WDFY1: variants seen among roughly 807,000 people sequenced by gnomAD.
The protein encoded by WDFY1 is WD repeat and FYVE domain-containing protein 1.
Under a neutral mutation model 56.4 loss-of-function variants are expected in WDFY1, and 32 were observed. The observed-to-expected ratio is 0.57, with a 90% CI of 0.43 to 0.76. The LOEUF (loss-of-function observed/expected upper bound fraction) is 0.76. WDFY1 is among the 30% of genes least tolerant of loss of function. The pLI, the probability that WDFY1 is intolerant of heterozygous loss-of-function variation, is 0.00. For synonymous variants in WDFY1, 192 were observed against 197.3 expected (o/e 0.97, Z 0.23); for missense variants, 480 against 545.7 (o/e 0.88, Z 1.20).
intron 2 of WDFY1, among the ~76,000 whole-genome samples, chr2:223,914,459 C>T (rs979657982): frequency 1.3e-5 from 2 of 152,052 alleles, no homozygotes; most frequent in African/African-American, 4.8e-5. Flanking sequence ...TGCTTGCATG[C>T]TACATTTATA....
intron 1 of WDFY1, among the ~76,000 whole-genome samples, chr2:223,928,797 C>G (rs1242724909): frequency 6.6e-6 from 1 of 152,212 alleles, no homozygotes; most frequent in African/African-American, 2.4e-5. Context: ...CCTATGCTGG[C>G]CTTCAAATGA....
chr2:223,887,035 G>A (rs115279314), intron 8 of WDFY1, among the ~76,000 whole-genome samples: 29 of 152,306 alleles, frequency 1.9e-4, no homozygotes, highest in African/African-American at 6.5e-4. Context: ...TAGAAGAAAG[G>A]TTTCCTTAAA....
chr2:223,892,168 G>A (rs1159435674), intron 8 of WDFY1, among the ~76,000 whole-genome samples: 1 of 151,882 alleles, frequency 6.6e-6, no homozygotes, highest in Non-Finnish European at 1.5e-5. Flanking sequence ...TAGAGACTGG[G>A]TTTCACCATG....
chr2:223,905,908 A>AC, intron 4 of WDFY1, 39 bp downstream of exon 4: 1 of 1,410,890 alleles, frequency 7.1e-7, no homozygotes, highest in South Asian at 1.4e-5. Context: ...GTGTATGTCT[A>AC]CATGTATGTG....
chr2:223,889,988 G>A (rs925009427), intron 8 of WDFY1, among the ~76,000 whole-genome samples: 6 of 152,070 alleles, frequency 3.9e-5, no homozygotes, highest in Non-Finnish European at 8.8e-5. Context: ...ATGAGTACAC[G>A]CAGATCCTGG....
At chr2:223,886,540 T>C (rs488403) in intron 8 of WDFY1, among the ~76,000 whole-genome samples, 141,249 of 151,968 alleles carry the variant, frequency 0.93, 65,708 homozygotes, top group South Asian at 0.96. Context: ...GCTTGGCCAA[T>C]GTAGTGAAAC....
chr2:223,926,964 G>A (rs909119775), intron 1 of WDFY1, among the ~76,000 whole-genome samples: 23 of 152,252 alleles, frequency 1.5e-4, no homozygotes, highest in Admixed American at 1.2e-3. Flanking sequence ...CACCGTTTCC[G>A]GCCAACAAGC....
chr2:223,900,940 C>A, intron 5 of WDFY1: 1 of 432,972 alleles, frequency 2.3e-6, no homozygotes, highest in East Asian at 4.4e-5. Context: ...TTAATAAACC[C>A]AATTTACAGC....
chr2:223,917,543 T>C (rs1356211504), intron 2 of WDFY1, among the ~76,000 whole-genome samples: 1 of 152,200 alleles, frequency 6.6e-6, no homozygotes, highest in African/African-American at 2.4e-5. Flanking sequence ...TTTTGAAATC[T>C]AGCAGCAATA....
At chr2:223,879,877 C>A (rs1693036644) in intron 11 of WDFY1, among the ~76,000 whole-genome samples, 1 of 152,126 alleles carries the variant, frequency 6.6e-6, no homozygotes, top group South Asian at 2.1e-4. Flanking sequence ...CAACTCCACC[C>A]ATAGGGATAT....
intron 1 of WDFY1, among the ~76,000 whole-genome samples, chr2:223,940,128 G>A (rs111915220): frequency 0.045 from 6,791 of 152,234 alleles, 486 homozygotes; most frequent in African/African-American, 0.15. Flanking sequence ...AGACCAGCCT[G>A]GCCAAGACGG....
chr2:223,932,413 C>A (rs1279911743), intron 1 of WDFY1, among the ~76,000 whole-genome samples: 4 of 152,134 alleles, frequency 2.6e-5, no homozygotes, highest in Admixed American at 2.6e-4. Context: ...TGAGCCATGG[C>A]GCCGGGTCGA....
At chr2:223,903,826 G>A (rs1693551368) in intron 4 of WDFY1, among the ~76,000 whole-genome samples, 1 of 151,946 alleles carries the variant, frequency 6.6e-6, no homozygotes, top group South Asian at 2.1e-4. Flanking sequence ...CATTTTTATA[G>A]CAGTATGGTC....
chr2:223,879,077 C>G (rs1693021202), intron 11 of WDFY1, among the ~76,000 whole-genome samples: 1 of 152,178 alleles, frequency 6.6e-6, no homozygotes, highest in South Asian at 2.1e-4. Flanking sequence ...GTCCCAGCCA[C>G]TCAAGAGGCT....
intron 11 of WDFY1, among the ~76,000 whole-genome samples, chr2:223,879,378 A>G (rs998927270): frequency 2.0e-5 from 3 of 152,040 alleles, no homozygotes; most frequent in African/African-American, 7.2e-5. Context: ...TACTTAGGCC[A>G]TGCATGGTGG....
chr2:223,939,192 C>T (rs561943399), intron 1 of WDFY1, among the ~76,000 whole-genome samples: 1 of 152,324 alleles, frequency 6.6e-6, no homozygotes, highest in East Asian at 1.9e-4. Flanking sequence ...CCCCACCTGA[C>T]TTTCCAAATC....
intron 1 of WDFY1, among the ~76,000 whole-genome samples, chr2:223,942,306 G>C (rs906541741): frequency 6.6e-6 from 1 of 150,882 alleles, no homozygotes; most frequent in Non-Finnish European, 1.5e-5. Context: ...TGCAAGCTCT[G>C]CCTCCCAGGT....
rs1422289589 is a variant in WDFY1, at chr2:223,894,216, C to T, written c.831+18G>A. 6.2e-7 allele frequency: 1 copy of T among 1,613,864 alleles called. No homozygotes were observed. The highest frequency in any genetic ancestry group is 1.1e-5 in the South Asian group (1 of 91,064). On this transcript the variant is annotated intron_variant, in intron 8 of 11. Coordinates refer to ENST00000233055, the MANE Select transcript of WDFY1 (RefSeq NM_020830.5). ...GGGGGTCTCCCCCGATCAGCCTGGACTTGCCCTTGTCTCTTACCTCTTCTC... is the reference window on the plus strand; with the variant it reads ...GGGGGTCTCCCCCGATCAGCCTGGATTTGCCCTTGTCTCTTACCTCTTCTC...
intron 8 of WDFY1, among the ~76,000 whole-genome samples, chr2:223,885,444 G>A (rs546674766): frequency 6.6e-6 from 1 of 152,080 alleles, no homozygotes; most frequent in African/African-American, 2.4e-5. Context: ...TAATCCTTCT[G>A]CCTCAGCCCC....
Sources: gnomAD v4.1 joint callset for allele counts (sites outside exome capture counted in the v4.1 genomes callset) on GRCh38, gnomAD v4.1.1 for gene constraint, MANE v1.5 for transcripts, NCBI Gene and HGNC (gene_info 2026-07-23, HGNC 2026-07-21) for gene names.